C12orf42: variants seen among roughly 807,000 people sequenced by gnomAD.
C12orf42 encodes uncharacterized protein C12orf42.
C12orf42 carries 25 observed loss-of-function variants against 21.6 expected under a neutral mutation model. The observed-to-expected ratio is 1.16, with a 90% CI of 0.84 to 1.62. The LOEUF (loss-of-function observed/expected upper bound fraction) is 1.62, where lower values mean the gene tolerates loss of function less well. C12orf42 is among the 40% of genes most tolerant of loss of function. C12orf42 has a pLI of 0.00. For synonymous variants in C12orf42, 174 were observed against 175.0 expected, an observed-to-expected ratio of 0.99 and a Z score of 0.05; for missense variants, 483 against 459.3, an observed-to-expected ratio of 1.05 and a Z score of -0.47.
intron 4 of C12orf42, among the ~76,000 whole-genome samples, chr12:103,313,769 T>C (rs1052211635): frequency 1.3e-5 from 2 of 152,242 alleles, no homozygotes; most frequent in African/African-American, 4.8e-5. Context: ...AGGACTCAAG[T>C]AGAAAATTAT....
At chr12:103,309,814 G>A (rs1162996559) in intron 4 of C12orf42, among the ~76,000 whole-genome samples, 2 of 152,206 alleles carry the variant, frequency 1.3e-5, no homozygotes, top group African/African-American at 2.4e-5. Context: ...GGCAAAGAGG[G>A]CATTGGCCAT....
the C12orf42 span, among the ~76,000 whole-genome samples, chr12:103,534,853 G>C: frequency 1.3e-5 from 2 of 152,140 alleles, no homozygotes; most frequent in African/African-American, 4.8e-5. Context: ...TTTGTTTACT[G>C]TTCAGTATGA....
chr12:103,231,907 G>A, the C12orf42 span, among the ~76,000 whole-genome samples: 1 of 152,134 alleles, frequency 6.6e-6, no homozygotes, highest in Non-Finnish European at 1.5e-5. Context: ...CAAAGTGGCT[G>A]TACCCTTTTG....
intron 4 of C12orf42, among the ~76,000 whole-genome samples, chr12:103,357,944 G>A (rs1186175389): frequency 6.6e-6 from 1 of 151,958 alleles, no homozygotes; most frequent in East Asian, 1.9e-4. Flanking sequence ...GGTTGACTGG[G>A]GTGTTCTGCT....
At chr12:103,241,302 T>C (rs2033730236) in intron 10 of C12orf42, among the ~76,000 whole-genome samples, 1 of 152,158 alleles carries the variant, frequency 6.6e-6, no homozygotes, top group South Asian at 2.1e-4. Context: ...CTTCATTTAT[T>C]TAGATTCCAT....
intron 2 of C12orf42, among the ~76,000 whole-genome samples, chr12:103,405,207 T>G (rs1034884546): frequency 8.5e-5 from 13 of 152,284 alleles, no homozygotes; most frequent in Admixed American, 2.0e-4. Flanking sequence ...AAACCATGAC[T>G]GAACTGGTGA....
chr12:103,296,870 C>G (rs1438743026), intron 4 of C12orf42, among the ~76,000 whole-genome samples: 2 of 152,124 alleles, frequency 1.3e-5, no homozygotes, highest in East Asian at 3.8e-4. Context: ...TTAATTAGAT[C>G]CCATTTGTCA....
chr12:103,470,815 G>A (rs1427055705), intron 2 of C12orf42, among the ~76,000 whole-genome samples: 1 of 152,124 alleles, frequency 6.6e-6, no homozygotes, highest in African/African-American at 2.4e-5. Flanking sequence ...TACAGTTCCA[G>A]CTGAATGCAG....
At chr12:103,484,307 A>G (rs1196101825) in intron 1 of C12orf42, among the ~76,000 whole-genome samples, 2 of 152,152 alleles carry the variant, frequency 1.3e-5, no homozygotes, top group African/African-American at 4.8e-5. Context: ...ATTTCTTCAC[A>G]TCTTCTCCAG....
At chr12:103,076,442 A>C in the C12orf42 span, among the ~76,000 whole-genome samples, 1 of 152,014 alleles carries the variant, frequency 6.6e-6, no homozygotes, top group African/African-American at 2.4e-5. Context: ...CCCATTGTGC[A>C]CCTATAGGTT....
intron 4 of C12orf42, chr12:103,277,263 A>G (rs916640559): frequency 2.6e-6 from 1 of 387,242 alleles, no homozygotes; most frequent in Non-Finnish European, 5.0e-6. Flanking sequence ...CTGTATATTA[A>G]TTCAAAAATT....
At chr12:103,165,409 T>G in the C12orf42 span, among the ~76,000 whole-genome samples, 1 of 152,222 alleles carries the variant, frequency 6.6e-6, no homozygotes, top group Non-Finnish European at 1.5e-5. Flanking sequence ...AAGAAAATTA[T>G]TTTCAGTGGA....
rs759166157 is a variant in C12orf42 at position 103,305,977 on chromosome 12, A to C, written c.628T>G (p.Ser210Ala). ...GTAACCACAACATGATACTTACCAGAATTTTTCTTGGGACTGCTCAAGGGC... is the reference window on the plus strand; with the variant it reads ...GTAACCACAACATGATACTTACCAGCATTTTTCTTGGGACTGCTCAAGGGC... ...GQPLSSPKKN[S>A]GSAARPSTAI... Residue 210 changes from serine (S) to alanine (A), a missense_variant, in exon 5 of 6, where the codon TCT becomes GCT. Coordinates refer to ENST00000548883, the MANE Select transcript of C12orf42 (RefSeq NM_198521.5). The C allele has an allele frequency of 1.1e-5, 17 of 1,598,642 alleles. No homozygotes were observed. The highest frequency in any genetic ancestry group is 1.4e-5 in the Non-Finnish European group (16 of 1,168,158).
At chr12:103,222,904 G>T in the C12orf42 span, among the ~76,000 whole-genome samples, 24 of 149,222 alleles carry the variant, frequency 1.6e-4, no homozygotes, top group African/African-American at 5.9e-4. Context: ...TCTCACTTGG[G>T]AATCTTGCTC....
At chr12:103,294,624 G>GAAAGAAAGAAAGAAGGA (rs2037119894) in intron 4 of C12orf42, among the ~76,000 whole-genome samples, 4 of 139,826 alleles carry the variant, frequency 2.9e-5, no homozygotes, top group African/African-American at 1.2e-4. Flanking sequence ...AAGAAAGAAA[G>GAAAGAAAGAAAGAAGGA]AAAGAAAGAA....
intron 4 of C12orf42, among the ~76,000 whole-genome samples, chr12:103,333,092 G>A (rs535536171): frequency 2.0e-5 from 3 of 152,212 alleles, no homozygotes; most frequent in East Asian, 1.9e-4. Context: ...ATGGACATTC[G>A]CCTAATAACA....
At chr12:103,172,022 A>G in the C12orf42 span, among the ~76,000 whole-genome samples, 1 of 152,176 alleles carries the variant, frequency 6.6e-6, no homozygotes, top group Admixed American at 6.5e-5. Flanking sequence ...TGAATTAGGT[A>G]GGGCACAAGA....
intron 1 of C12orf42, among the ~76,000 whole-genome samples, chr12:103,486,251 T>C (rs1219778473): frequency 1.3e-5 from 2 of 152,220 alleles, no homozygotes; most frequent in African/African-American, 2.4e-5. Flanking sequence ...TTGTCATTGG[T>C]TCTGTTTATG....
chr12:103,546,840 T>G, the C12orf42 span, among the ~76,000 whole-genome samples: 2 of 152,162 alleles, frequency 1.3e-5, no homozygotes, highest in Non-Finnish European at 2.9e-5. Context: ...ACATGAGAAG[T>G]ACCCTCCTTA....
Sources: allele counts gnomAD v4.1 joint callset (sites outside exome capture counted in the v4.1 genomes callset), GRCh38; gene constraint gnomAD v4.1.1; transcripts MANE v1.5; gene names NCBI Gene and HGNC (gene_info 2026-07-23, HGNC 2026-07-21).